LRMDA: variants seen among roughly 807,000 people sequenced by gnomAD.
LRMDA encodes leucine-rich melanocyte differentiation-associated protein.
LRMDA carries 18 observed loss-of-function variants against 29.8 expected under a neutral mutation model. The ratio of observed to expected loss-of-function variants is 0.60; its 90% CI spans 0.42 to 0.90. LRMDA has a LOEUF of 0.90. Among genes scored for constraint, LRMDA ranks in the 40% least tolerant of loss-of-function variants. LRMDA has a pLI of 0.00. For missense variants in LRMDA, 273 were observed against 273.9 expected (o/e 1.00, Z 0.02); for synonymous variants, 125 against 109.4 (o/e 1.14, Z -0.89).
intron 5 of LRMDA, among the ~76,000 whole-genome samples, chr10:76,251,227 T>TAAGTATCATGTGGACA (rs1852475644): frequency 1.3e-4 from 1 of 7,604 alleles, no homozygotes; most frequent in African/African-American, 1.1e-3. Flanking sequence ...CCGTCGCTTC[T>TAAGTATCATGTGGACA]TTTTTTTTTT....
At chr10:76,277,155 A>G (rs148780536) in intron 5 of LRMDA, among the ~76,000 whole-genome samples, 1,732 of 152,274 alleles carry the variant, frequency 0.011, 44 homozygotes, top group African/African-American at 0.039. Flanking sequence ...CAGCCCAGAA[A>G]TTTGAAATAG....
chr10:75,780,046 T>C (rs1030586103), intron 2 of LRMDA, among the ~76,000 whole-genome samples: 3 of 151,346 alleles, frequency 2.0e-5, no homozygotes, highest in Non-Finnish European at 4.4e-5. Context: ...TAGGAAGAGA[T>C]TGGAGTGATG....
intron 3 of LRMDA, among the ~76,000 whole-genome samples, chr10:76,042,777 T>C (rs1848362473): frequency 1.3e-5 from 2 of 152,190 alleles, no homozygotes; most frequent in South Asian, 2.1e-4. Context: ...TTTAGCATGG[T>C]TGATCGAAAA....
Position 76,369,533 on chromosome 10 carries a change from A to G in LRMDA, c.601+45048A>G, listed in dbSNP as rs185650753. Among the ~76,000 whole-genome samples the G allele has an allele frequency of 2.2e-4, 34 of 152,246 alleles. No homozygotes were observed. In the East Asian group the frequency reaches 2.3e-3, roughly 10 times the overall value. On this transcript the variant is annotated intron_variant, in intron 6 of 6. Transcript: ENST00000611255. ...AGGTTACCTGGTGCTTCTGTCTCAT[A>G]GCTCTTAAGATTCTTTCCTTCATCT...
At chr10:75,756,460 A>G (rs1464726942) in intron 2 of LRMDA, among the ~76,000 whole-genome samples, 1 of 152,190 alleles carries the variant, frequency 6.6e-6, no homozygotes. Flanking sequence ...GGAGATCCCC[A>G]ATATCAGCCT....
intron 3 of LRMDA, among the ~76,000 whole-genome samples, chr10:76,042,846 G>T (rs1848363700): frequency 6.6e-6 from 1 of 152,160 alleles, no homozygotes; most frequent in East Asian, 1.9e-4. Context: ...GTTATTGGTA[G>T]TTTCACCACT....
At chr10:75,830,152 C>T (rs188469899) in intron 2 of LRMDA, among the ~76,000 whole-genome samples, 4 of 152,246 alleles carry the variant, frequency 2.6e-5, no homozygotes, top group Non-Finnish European at 5.9e-5. Context: ...TCCATTTCCC[C>T]ATCTACCCTC....
intron 5 of LRMDA, among the ~76,000 whole-genome samples, chr10:76,243,979 G>A (rs2132288299): frequency 6.6e-6 from 1 of 152,278 alleles, no homozygotes; most frequent in East Asian, 1.9e-4. Context: ...GACACCCAGA[G>A]GAGAGATTAA....
intron 2 of LRMDA, among the ~76,000 whole-genome samples, chr10:75,652,325 C>A (rs893972639): frequency 3.3e-5 from 5 of 152,194 alleles, no homozygotes; most frequent in African/African-American, 4.8e-5. Flanking sequence ...TCCTTAGTGA[C>A]CTTTGGCAAA....
chr10:75,509,577 CA>C (rs1360696596), intron 2 of LRMDA, among the ~76,000 whole-genome samples: 1 of 152,148 alleles, frequency 6.6e-6, no homozygotes, highest in Non-Finnish European at 1.5e-5. Context: ...CCTTATTTTA[CA>C]GATGACACTG....
intron 2 of LRMDA, among the ~76,000 whole-genome samples, chr10:75,729,474 C>G (rs1238076145): frequency 1.3e-5 from 2 of 152,148 alleles, no homozygotes; most frequent in African/African-American, 4.8e-5. Context: ...CAGGGGGCAT[C>G]CTGAGATGGG....
chr10:76,182,605 C>A (rs940430821), intron 5 of LRMDA, among the ~76,000 whole-genome samples: 1 of 152,074 alleles, frequency 6.6e-6, no homozygotes, highest in African/African-American at 2.4e-5. Flanking sequence ...ATTTTGAGTT[C>A]TCTTATCTCT....
At chr10:75,901,211 A>G (rs1845666558) in intron 2 of LRMDA, among the ~76,000 whole-genome samples, 1 of 152,168 alleles carries the variant, frequency 6.6e-6, no homozygotes, top group Admixed American at 6.5e-5. Flanking sequence ...TCTAGCACTT[A>G]CCATCAATGG....
At chr10:75,570,443 G>T (rs1343958609) in intron 2 of LRMDA, among the ~76,000 whole-genome samples, 1 of 152,132 alleles carries the variant, frequency 6.6e-6, no homozygotes, top group Non-Finnish European at 1.5e-5. Context: ...TTCTTGGGGT[G>T]CTTTTAGTAT....
chr10:76,119,177 C>T (rs1057284200), intron 5 of LRMDA, among the ~76,000 whole-genome samples: 3 of 151,146 alleles, frequency 2.0e-5, no homozygotes, highest in Non-Finnish European at 4.4e-5. Context: ...AAAGAGGAGG[C>T]ATTTGTTCAT....
chr10:75,493,348 G>T (rs1002999629), intron 2 of LRMDA, among the ~76,000 whole-genome samples: 2 of 133,270 alleles, frequency 1.5e-5, no homozygotes, highest in Non-Finnish European at 3.2e-5. Flanking sequence ...GTTGAGATTG[G>T]GTGTGTGTGT....
At chr10:76,353,978 A>G (rs1351052461) in intron 6 of LRMDA, among the ~76,000 whole-genome samples, 5 of 152,150 alleles carry the variant, frequency 3.3e-5, no homozygotes, top group Admixed American at 3.3e-4. Flanking sequence ...TATTTTGAGT[A>G]TCAAAGTTAA....
chr10:75,827,437 T>A (rs1485638755), intron 2 of LRMDA, among the ~76,000 whole-genome samples: 21 of 152,214 alleles, frequency 1.4e-4, no homozygotes. Flanking sequence ...CCTCTGTTTG[T>A]ATTTTCTTCT....
chr10:75,800,223 A>G (rs1843724683), intron 2 of LRMDA, among the ~76,000 whole-genome samples: 2 of 152,194 alleles, frequency 1.3e-5, no homozygotes, highest in African/African-American at 2.4e-5. Flanking sequence ...ATGAAACACC[A>G]TGTTTAAACC....
Sources: allele counts gnomAD v4.1 joint callset (sites outside exome capture counted in the v4.1 genomes callset), GRCh38; gene constraint gnomAD v4.1.1; transcripts MANE v1.5; gene names NCBI Gene and HGNC (gene_info 2026-07-23, HGNC 2026-07-21).